Variants in FBXO41 observed in about 807,000 individuals in gnomAD.
FBXO41 encodes the protein F-box protein 41.
In FBXO41, 33 loss-of-function variants were observed where a neutral mutation model predicts 81.6. That is an observed-to-expected ratio of 0.40 (90% CI 0.31 to 0.54). The LOEUF is 0.54. Among genes scored for constraint, FBXO41 ranks in the 20% least tolerant of loss-of-function variants. The pLI is 0.39. For missense variants in FBXO41, 1,107 were observed against 1,236.0 expected (o/e 0.90, Z 1.56); for synonymous variants, 576 against 552.7 (o/e 1.04, Z -0.59).
intron 1 of FBXO41, chr2:73,271,631 C>CCCT (rs1553384776): frequency 1.4e-5 from 2 of 147,610 alleles, no homozygotes; most frequent in Non-Finnish European, 3.0e-5. Flanking sequence ...ACTCCCCCCC[C>CCCT]CCCAACTTCT....
At position 73,265,473 on chromosome 2, in the gene FBXO41, C is replaced by G. The variant is rs112308492; in HGVS notation, c.1373G>C (p.Arg458Pro). 2 of 1,603,314 alleles carry G rather than the reference C, an allele frequency of 1.2e-6. No individual in the cohort carries two copies. ...GGCCTGGCGCCGCAGGCCTGAGCTG[C>G]GAGGGGGCTGGGACCGCTCTGAGCC... ...NGGSERSQPP[R>P]SSGLRRQAIQ... Residue 458 changes from arginine to proline, a missense_variant, in exon 5 of 13, where the codon CGC (arginine) becomes CCC (proline). Arg to Pro is a moderately radical substitution (Grantham distance 103). Transcript: ENST00000520530.
At position 73,266,140 on chromosome 2, in the gene FBXO41, G is replaced by A. The variant is rs917779436; in HGVS notation, c.1132-174C>T. 6.6e-6 allele frequency among the ~76,000 whole-genome samples: 1 copy of A among 152,262 alleles called. No individual in the cohort carries two copies. The highest frequency in any genetic ancestry group is 2.1e-4 in the South Asian group (1 of 4,828). ...ACAGACAGACAGCCCAGAGAGGCAG[G>A]CTTACCAGCCCCTCCCCACACCCAC... is the stretch of plus-strand genomic sequence containing the variant. On this transcript the variant is annotated intron_variant, in intron 3 of 12. Transcript: ENST00000520530. This position sits in a 1 kb window ranked among gnomAD's most constrained non-coding sequence, Gnocchi z 5.3.
At chr2:73,275,197 T>A (rs544727842) in intron 1 of FBXO41, among the ~76,000 whole-genome samples, 1 of 151,322 alleles carries the variant, frequency 6.6e-6, no homozygotes, top group African/African-American at 2.4e-5. Flanking sequence ...CCCTTTTTTT[T>A]AAGACAGAGT....
chr2:73,270,008 T>C (rs1457595408), intron 1 of FBXO41, among the ~76,000 whole-genome samples: 1 of 152,210 alleles, frequency 6.6e-6, no homozygotes, highest in Non-Finnish European at 1.5e-5. Flanking sequence ...TTATTTATAA[T>C]GGTTCCAACC....
intron 2 of FBXO41, among the ~76,000 whole-genome samples, chr2:73,267,350 C>G (rs1284060422): frequency 6.6e-6 from 1 of 152,182 alleles, no homozygotes; most frequent in Non-Finnish European, 1.5e-5. Flanking sequence ...AAAATACACA[C>G]TAAGTCACAT....
rs1688278847 is a variant in FBXO41, at chr2:73,266,433, G to T, written c.1131+24C>A. The T allele has an allele frequency of 1.4e-6, 2 of 1,468,254 alleles. No homozygotes were observed. Among genetic ancestry groups the T allele is most frequent in the Admixed American group, 4.8e-5 (2 of 41,676 alleles). The allele number at this position is 1,468,254 out of a possible 1,614,324, so 91.0% of individuals were successfully genotyped here. On this transcript the variant is annotated intron_variant, in intron 3 of 12. Coordinates refer to ENST00000520530, the MANE Select transcript of FBXO41 (RefSeq NM_001371389.2). This position sits in a 1 kb window ranked among gnomAD's most constrained non-coding sequence, Gnocchi z 5.3. Reference sequence around the variant, plus strand: ...TGGGGGGCCAGGTGTGCAGGTAGAGGAGGGAAGGCAGGTGGGCACTCACCA... The same window carrying T: ...TGGGGGGCCAGGTGTGCAGGTAGAGTAGGGAAGGCAGGTGGGCACTCACCA...
intron 1 of FBXO41, chr2:73,272,260 G>A (rs1688529003): frequency 6.6e-6 from 1 of 152,220 alleles, no homozygotes; most frequent in African/African-American, 2.4e-5. Context: ...GCCTCAGTAA[G>A]GTCCAACAAG....
In FBXO41 at chr2:73,266,469, GC is replaced by G; in HGVS notation, c.1118del (p.Gly373AlafsTer143). On this transcript the variant is annotated frameshift_variant, in exon 3 of 13. Coordinates refer to ENST00000520530, the MANE Select transcript of FBXO41 (RefSeq NM_001371389.2). LOFTEE classifies it high-confidence loss of function. The surrounding 1 kb of genome is among the most constrained non-coding windows in gnomAD (Gnocchi z 5.3). ...GGGGAGPNAR[G>X]PGRMREHHVG... The stretch of plus-strand genomic sequence containing the variant: ...GGTGGGCACTCACCATTCTGCCTGG[GC>G]CCCGGGCATTGGGTCCAGCACCACC... The G allele has an allele frequency of 1.3e-6, 2 of 1,522,700 alleles. No individual in the cohort carries two copies. Among genetic ancestry groups the G allele is most frequent in the Non-Finnish European group, 1.8e-6 (2 of 1,128,894 alleles). The allele number at this position is 1,522,700 out of a possible 1,614,324, so 94.3% of individuals were successfully genotyped here. A position where few individuals can be genotyped will look rare whatever the true frequency, so the allele number is the denominator to read the frequency against.
chr2:73,268,661 T>C (rs1240778711), intron 2 of FBXO41, 65 bp downstream of exon 2: 2 of 1,380,498 alleles, frequency 1.4e-6, no homozygotes, highest in East Asian at 5.1e-5. Flanking sequence ...ACGCCCACGG[T>C]GGTGGTGGTG....
chr2:73,263,377 G>A (rs1688089750), intron 8 of FBXO41, 69 bp from the exon 9 acceptor site: 1 of 1,230,686 alleles, frequency 8.1e-7, no homozygotes, highest in Non-Finnish European at 1.1e-6. Context: ...CACTTTGGGA[G>A]GTCAAGGCCG....
rs773489186 is a variant in FBXO41, at chr2:73,255,263, G to A, written c.*3719C>T. The A allele has an allele frequency of 6.5e-6, 1 of 152,738 alleles. No individual in the cohort carries two copies. Among genetic ancestry groups the A allele is most frequent in the Non-Finnish European group, 1.5e-5 (1 of 68,076 alleles). 9.5% of individuals were successfully genotyped at this position (152,738 alleles called of 1,614,324 possible). A position where few individuals can be genotyped will look rare whatever the true frequency, so the allele number is the denominator to read the frequency against. ...TCAGGGCAGCCTTGGGACTGGCTGA[G>A]GTCCCAAGGGTTTGGGGAGGGAGTC... On this transcript the variant is annotated 3_prime_UTR_variant, in exon 13 of 13. Coordinates refer to ENST00000520530, the MANE Select transcript of FBXO41 (RefSeq NM_001371389.2).
At chr2:73,282,667 C>A (rs1284152212) in intron 1 of FBXO41, among the ~76,000 whole-genome samples, 1 of 152,192 alleles carries the variant, frequency 6.6e-6, no homozygotes, top group Non-Finnish European at 1.5e-5. Flanking sequence ...CACTCCACCG[C>A]ACTCCAGCCT....
chr2:73,277,586 A>G (rs1574392607), intron 1 of FBXO41, among the ~76,000 whole-genome samples: 2 of 112,752 alleles, frequency 1.8e-5, no homozygotes, highest in African/African-American at 5.9e-5. Context: ...ACTCTCTTTC[A>G]AGTCCTCATC....
Position 73,258,838 on chromosome 2 carries a change from G to T in FBXO41, c.*144C>A. The T allele has an allele frequency of 2.3e-6, 2 of 883,204 alleles. No homozygotes were observed. The highest frequency in any genetic ancestry group is 3.4e-6 in the Non-Finnish European group (2 of 593,966). 54.7% of individuals were successfully genotyped at this position (883,204 alleles called of 1,614,324 possible). A position where few individuals can be genotyped will look rare whatever the true frequency, so the allele number is the denominator to read the frequency against. On this transcript the variant is annotated 3_prime_UTR_variant, in exon 13 of 13. Transcript: ENST00000520530. ...CTGTTGCTCTGCTGCTCCAGGAGGA[G>T]GACAGGAGACTTGACAGTCCCCCTC... is the stretch of plus-strand genomic sequence containing the variant.
At chr2:73,272,902 C>T (rs764307154) in intron 1 of FBXO41, 1 of 152,270 alleles carries the variant, frequency 6.6e-6, no homozygotes, top group Non-Finnish European at 1.5e-5. Flanking sequence ...AAGGATTGCT[C>T]AGCCCCTATG....
At position 73,265,897 on chromosome 2, in the gene FBXO41, T is replaced by A; in HGVS notation, c.1201A>T (p.Thr401Ser). ...AVSRHGSSPSTGASSRVPAAS... is the reference protein window; with the variant it reads ...AVSRHGSSPSSGASSRVPAAS... ...TGGGCTGGGCCCAAGGCTTACCCTG[T>A]GCTCGGAGAGGAGCCATGCCGTGAC... Residue 401 changes from threonine (T) to serine (S), a missense_variant, in exon 4 of 13, where the codon ACA (threonine) becomes TCA (serine). Transcript: ENST00000520530. 1 of 1,585,138 alleles carries A rather than the reference T, an allele frequency of 6.3e-7. No homozygotes were observed.
intron 1 of FBXO41, among the ~76,000 whole-genome samples, chr2:73,276,267 G>A (rs1410441529): frequency 1.3e-5 from 2 of 151,184 alleles, no homozygotes; most frequent in Admixed American, 6.6e-5. Context: ...AAAATTAGAC[G>A]GGCATGGTGG....
chr2:73,264,734 C>T (rs1688168748), intron 5 of FBXO41, among the ~76,000 whole-genome samples: 1 of 152,132 alleles, frequency 6.6e-6, no homozygotes, highest in Non-Finnish European at 1.5e-5. Flanking sequence ...CTTGTGTAAA[C>T]TTCCTTTTTA....
In FBXO41 at chr2:73,276,790, GA is replaced by G. The variant is rs1212616550; in HGVS notation, c.-138-7023del. On this transcript the variant is annotated intron_variant, in intron 1 of 12. Transcript: ENST00000520530. ...ATATAAATTATCAAAATTGACTCAAGAAGAAATAGAAAACTTGAATAGACTA... is the reference window on the plus strand; with the variant it reads ...ATATAAATTATCAAAATTGACTCAAGAGAAATAGAAAACTTGAATAGACTA... Among the ~76,000 whole-genome samples, 2 of 150,640 alleles carry G rather than the reference GA, an allele frequency of 1.3e-5. 1 individual carries two copies.
Sources: allele counts gnomAD v4.1 joint callset (sites outside exome capture counted in the v4.1 genomes callset), GRCh38; gene constraint gnomAD v4.1.1; non-coding constraint Gnocchi (gnomAD v3.1); transcripts MANE v1.5; gene names NCBI Gene and HGNC (gene_info 2026-07-23, HGNC 2026-07-21).